The following CACNA1C variants were observed in gnomAD, a reference collection of about 807,000 sequenced individuals.
The protein encoded by CACNA1C is calcium voltage-gated channel subunit alpha1 C, also known as voltage-dependent L-type calcium channel subunit alpha-1C.
CACNA1C carries 30 observed loss-of-function variants against 229.0 expected under a neutral mutation model. The ratio of observed to expected loss-of-function variants is 0.13; its 90% CI spans 0.10 to 0.18. CACNA1C has a LOEUF of 0.18. CACNA1C is among the 10% of genes least tolerant of loss of function. CACNA1C has a pLI of 1.00. For synonymous variants in CACNA1C, 1,114 were observed against 1,132.5 expected (o/e 0.98, Z 0.33); for missense variants, 1,658 against 2,845.0 (o/e 0.58, Z 9.49).
chr12:2,039,196 C>T (rs2049667203), intron 1 of CACNA1C, among the ~76,000 whole-genome samples: 1 of 152,134 alleles, frequency 6.6e-6, no homozygotes, highest in Non-Finnish European at 1.5e-5. Context: ...GGCTAAGTAA[C>T]TCACTAAACA....
chr12:2,584,634 G>GCCCAGCCCTGGAGC lies in CACNA1C; in HGVS notation c.2339+22_2339+23insCCCTGGAGCCCCAG. The GCCCAGCCCTGGAGC allele has an allele frequency of 2.6e-6, 4 of 1,553,456 alleles. No homozygotes were observed. Among genetic ancestry groups the GCCCAGCCCTGGAGC allele is most frequent in the Non-Finnish European group, 3.5e-6 (4 of 1,128,630 alleles). On this transcript the variant is annotated intron_variant, in intron 16 of 46. Transcript: ENST00000399655. Reference sequence around the variant, plus strand: ...GCTGGCCAGGTAACCCTCTAAGCTTGCCCAGGCCTGGGGCTCCAGGGCTCC... The same window carrying GCCCAGCCCTGGAGC: ...GCTGGCCAGGTAACCCTCTAAGCTTGCCCAGCCCTGGAGCCCCAGGCCTGGGGCTCCAGGGCTCC...
At chr12:2,000,826 CAGG>C (rs2042021731) in intron 1 of CACNA1C, among the ~76,000 whole-genome samples, 1 of 152,182 alleles carries the variant, frequency 6.6e-6, no homozygotes, top group African/African-American at 2.4e-5. Flanking sequence ...CACCTGAGGT[CAGG>C]AGTTCAAGAC....
At chr12:2,426,739 G>A (rs1436446273) in intron 3 of CACNA1C, among the ~76,000 whole-genome samples, 3 of 152,220 alleles carry the variant, frequency 2.0e-5, no homozygotes, top group Non-Finnish European at 4.4e-5. Context: ...CTGTCAGCTG[G>A]TGGTTTGCTA....
chr12:2,514,913 A>C (rs981076550), intron 9 of CACNA1C, among the ~76,000 whole-genome samples: 1 of 152,232 alleles, frequency 6.6e-6, no homozygotes, highest in Non-Finnish European at 1.5e-5. Flanking sequence ...GATCACACTG[A>C]CAAGGCCCAT....
chr12:2,228,968 C>G (rs1192033176), intron 3 of CACNA1C, among the ~76,000 whole-genome samples: 1 of 152,086 alleles, frequency 6.6e-6, no homozygotes, highest in Non-Finnish European at 1.5e-5. Flanking sequence ...CCTGGAAAAA[C>G]AGAGAGGAGG....
chr12:2,565,076 C>T (rs1397377294), intron 11 of CACNA1C, among the ~76,000 whole-genome samples: 1 of 152,196 alleles, frequency 6.6e-6, no homozygotes, highest in Non-Finnish European at 1.5e-5. Context: ...AATGAAAACG[C>T]CTCCACCATA....
chr12:2,309,109 T>C (rs2154481329), intron 3 of CACNA1C, among the ~76,000 whole-genome samples: 1 of 152,328 alleles, frequency 6.6e-6, no homozygotes, highest in Admixed American at 6.5e-5. Context: ...AGCTGGCAGA[T>C]GAATAAAGAA....
Position 2,504,415 on chromosome 12 carries a change from A to G in CACNA1C, c.1114-427A>G, listed in dbSNP as rs1262549655. 1 of 1,436,166 alleles carries G rather than the reference A, an allele frequency of 7.0e-7. No homozygotes were observed. The highest frequency in any genetic ancestry group is 9.8e-7 in the Non-Finnish European group (1 of 1,018,820). The allele number at this position is 1,436,166 out of a possible 1,614,324, so 89.0% of individuals were successfully genotyped here. ...AACCCAATTCTGCTTCTTCTTTCCT[A>G]ACTTTCCTTCGTCTTTCCAGATGCA... On this transcript the variant is annotated intron_variant, in intron 7 of 46. Transcript: ENST00000399655. The surrounding 1 kb of genome is among the most constrained non-coding windows in gnomAD (Gnocchi z 6.8).
Position 2,691,569 on chromosome 12 carries a change from C to T in CACNA1C, c.*370C>T. 1 of 203,374 alleles carries T rather than the reference C, an allele frequency of 4.9e-6. No individual in the cohort carries two copies. The highest frequency in any genetic ancestry group is 9.8e-6 in the Non-Finnish European group (1 of 101,836). 12.6% of individuals were successfully genotyped at this position (203,374 alleles called of 1,614,324 possible). On this transcript the variant is annotated 3_prime_UTR_variant, in exon 47 of 47. Coordinates refer to ENST00000399655, the MANE Select transcript of CACNA1C (RefSeq NM_000719.7). ...TGTCTTTCGACTCTGCTTGTAGAAA[C>T]CATTTGCACATATTCTGTACGAGCC... is the stretch of plus-strand genomic sequence containing the variant.
At position 2,053,192 on chromosome 12, in the gene CACNA1C, G is replaced by C. The variant is rs1237925519; in HGVS notation, c.-371G>C. ...CGCCTCGGCCCCTGCCGGCCCAGGC[G>C]GGCCCCGCGCGCCCCCCGCCCCTCC... On this transcript the variant is annotated 5_prime_UTR_variant, in exon 1 of 47. Coordinates refer to ENST00000399655, the MANE Select transcript of CACNA1C (RefSeq NM_000719.7). The surrounding 1 kb of genome is among the most constrained non-coding windows in gnomAD (Gnocchi z 5.8). The C allele has an allele frequency of 4.0e-6, 4 of 999,684 alleles. No individual in the cohort carries two copies. Among genetic ancestry groups the C allele is most frequent in the Non-Finnish European group, 4.8e-6 (4 of 839,770 alleles). The allele number at this position is 999,684 out of a possible 1,614,324, so 61.9% of individuals were successfully genotyped here. A position where few individuals can be genotyped will look rare whatever the true frequency, so the allele number is the denominator to read the frequency against.
chr12:2,267,864 C>T (rs2083002977), intron 3 of CACNA1C, among the ~76,000 whole-genome samples: 1 of 152,174 alleles, frequency 6.6e-6, no homozygotes, highest in Non-Finnish European at 1.5e-5. Context: ...GGAAATCATG[C>T]TGGCCTCGCC....
At chr12:1,990,580 A>G (rs891087600) in intron 1 of CACNA1C, among the ~76,000 whole-genome samples, 1 of 152,162 alleles carries the variant, frequency 6.6e-6, no homozygotes, top group African/African-American at 2.4e-5. Context: ...AAACCTCACC[A>G]CAAACCTCTA....
chr12:2,194,378 CCTTCCT>C (rs1445146736), intron 3 of CACNA1C, among the ~76,000 whole-genome samples: 5 of 151,082 alleles, frequency 3.3e-5, no homozygotes, highest in African/African-American at 9.7e-5. Flanking sequence ...TTCCCCTTCC[CCTTCCT>C]GCTCCCCCTC....
chr12:2,320,618 G>A (rs1396521586), intron 3 of CACNA1C, among the ~76,000 whole-genome samples: 2 of 152,194 alleles, frequency 1.3e-5, no homozygotes, highest in Non-Finnish European at 2.9e-5. Flanking sequence ...GGGAGGGCTG[G>A]TTTCTCTGGG....
intron 1 of CACNA1C, among the ~76,000 whole-genome samples, chr12:1,979,172 C>T (rs2035356707): frequency 6.6e-6 from 1 of 152,204 alleles, no homozygotes; most frequent in Non-Finnish European, 1.5e-5. Context: ...GCCATCGAGC[C>T]TGGCTAATTT....
Position 2,019,153 on chromosome 12 carries a change from T to C in CACNA1C, c.139+47952T>C, listed in dbSNP as rs527625393. Among the ~76,000 whole-genome samples the C allele has an allele frequency of 3.3e-5, 5 of 152,178 alleles. No homozygotes were observed. The East Asian group carries it at 7.7e-4, about 24-fold the overall frequency. ...GCAAAGGGAAAAACAGAGTTGGAGC[T>C]GACTGAGGATTAGAAATGGAATCTG... On this transcript the variant is annotated intron_variant, in intron 1 of 46. Transcript: ENST00000682462.
Position 2,642,247 on chromosome 12 carries a change from G to A in CACNA1C, c.3913-6228G>A, listed in dbSNP as rs537708917. Among the ~76,000 whole-genome samples the A allele has an allele frequency of 1.2e-4, 19 of 152,250 alleles. 1 individual carries two copies. The highest frequency in any genetic ancestry group is 4.6e-4 in the African/African-American group (19 of 41,542). ...CCCTCTGCCTTCTGCCCCAAACTGT[G>A]TCACTTTTTGTTTCCCTCAAATGCT... On this transcript the variant is annotated intron_variant, in intron 30 of 46. Transcript: ENST00000399655.
At chr12:2,279,155 A>G (rs2090111575) in intron 3 of CACNA1C, among the ~76,000 whole-genome samples, 2 of 152,058 alleles carry the variant, frequency 1.3e-5, no homozygotes, top group South Asian at 4.1e-4. Context: ...AAAATCAGAT[A>G]TGTGCTTTGC....
chr12:2,282,117 A>G (rs1397865923), intron 3 of CACNA1C, among the ~76,000 whole-genome samples: 1 of 152,056 alleles, frequency 6.6e-6, no homozygotes, highest in East Asian at 1.9e-4. Flanking sequence ...GGATTTACCT[A>G]ATTTTATAAT....
Sources: gnomAD v4.1 joint callset for allele counts (sites outside exome capture counted in the v4.1 genomes callset) on GRCh38, gnomAD v4.1.1 for gene constraint, Gnocchi (gnomAD v3.1) non-coding constraint, MANE v1.5 for transcripts, NCBI Gene and HGNC (gene_info 2026-07-23, HGNC 2026-07-21) for gene names.